The following MYO1H variants were observed in gnomAD, a reference collection of about 807,000 sequenced individuals.
MYO1H encodes the protein unconventional myosin-Ih.
MYO1H carries 118 observed loss-of-function variants against 149.3 expected under a neutral mutation model. The ratio of observed to expected loss-of-function variants is 0.79; its 90% CI spans 0.68 to 0.92. The LOEUF (loss-of-function observed/expected upper bound fraction) is 0.92, where lower values mean the gene tolerates loss of function less well. Among genes scored for constraint, MYO1H ranks in the 40% least tolerant of loss-of-function variants. MYO1H has a pLI of 0.00. For synonymous variants in MYO1H, 447 were observed against 465.2 expected, an observed-to-expected ratio of 0.96 and a Z score of 0.50; for missense variants, 1,212 against 1,280.7, an observed-to-expected ratio of 0.95 and a Z score of 0.82.
At position 109,442,314 on chromosome 12, in the gene MYO1H, A is replaced by G. The variant is rs371006099; in HGVS notation, c.2688+42A>G. ...CCTCAGTCTCAAACAGGATTCCCTC[A>G]TCGAGTCTAAGAGCAGGGTCCCCTT... On this transcript the variant is annotated intron_variant, in intron 27 of 31. Coordinates refer to ENST00000310903, the Ensembl canonical transcript of MYO1H. 7.6e-6 allele frequency: 12 copies of G among 1,575,088 alleles called. No homozygotes were observed. In the East Asian group the frequency reaches 1.6e-4, roughly 21 times the overall value.
chr12:109,412,099 C>T, intron 14 of MYO1H, 114 bp downstream of exon 14: 12 of 655,352 alleles, frequency 1.8e-5, no homozygotes, highest in Non-Finnish European at 2.8e-5. Flanking sequence ...ATAAAAATAT[C>T]TTTATGTATA....
rs1439460830 is a variant in MYO1H at position 109,405,921 on chromosome 12, G to A, written c.850-1G>A. The A allele has an allele frequency of 1.2e-6, 2 of 1,603,092 alleles. No homozygotes were observed. Among genetic ancestry groups the A allele is most frequent in the Non-Finnish European group, 1.7e-6 (2 of 1,170,270 alleles). On this transcript the variant is annotated splice_acceptor_variant, in intron 7 of 31. Transcript: ENST00000310903. LOFTEE classifies it high-confidence loss of function. ...TCTCTGAACACTTCCCATGTTCCTA[G>A]AATCTCTTTGGAATTATTGCCAGTG...
chr12:109,322,049 G>A, the MYO1H span, among the ~76,000 whole-genome samples: 1 of 150,880 alleles, frequency 6.6e-6, no homozygotes, highest in East Asian at 1.9e-4. Flanking sequence ...ATCTATCCTT[G>A]GGGAAGTGGA....
the MYO1H span, among the ~76,000 whole-genome samples, chr12:109,338,025 GA>G: frequency 0.31 from 47,352 of 151,618 alleles, 7,815 homozygotes; most frequent in Middle Eastern, 0.41. Flanking sequence ...GGAAAGCTAA[GA>G]AAAAAAAGGG....
intron 1 of MYO1H, among the ~76,000 whole-genome samples, chr12:109,361,768 C>T (rs1868752730): frequency 6.8e-6 from 1 of 146,134 alleles, no homozygotes; most frequent in Non-Finnish European, 1.5e-5. Context: ...GTGATTGTGC[C>T]ACTGCACTCC....
At chr12:109,367,780 C>G (rs1464875124) in intron 1 of MYO1H, among the ~76,000 whole-genome samples, 1 of 152,130 alleles carries the variant, frequency 6.6e-6, no homozygotes, top group Admixed American at 6.5e-5. Flanking sequence ...TCTCGATCTC[C>G]TGACCTCATG....
chr12:109,376,941 T>C (rs1322155988), intron 1 of MYO1H, among the ~76,000 whole-genome samples: 1 of 152,240 alleles, frequency 6.6e-6, no homozygotes, highest in East Asian at 1.9e-4. Context: ...TGGTATACCC[T>C]TTTATTGTTC....
At chr12:109,321,437 C>T in the MYO1H span, among the ~76,000 whole-genome samples, 1 of 151,870 alleles carries the variant, frequency 6.6e-6, no homozygotes, top group African/African-American at 2.4e-5. Flanking sequence ...CCTGTAATCC[C>T]AGCTACTTAG....
intron 19 of MYO1H, among the ~76,000 whole-genome samples, chr12:109,430,502 G>A (rs1871564359): frequency 6.6e-6 from 1 of 152,152 alleles, no homozygotes. Flanking sequence ...GGGTGGTGGA[G>A]ACCCTATCTT....
intron 19 of MYO1H, among the ~76,000 whole-genome samples, chr12:109,429,920 G>C (rs1871539603): frequency 6.6e-6 from 1 of 152,220 alleles, no homozygotes; most frequent in South Asian, 2.1e-4. Context: ...GGCAGACTCA[G>C]TGTCTGGTGA....
At chr12:109,322,819 C>CAAAAA in the MYO1H span, among the ~76,000 whole-genome samples, 3 of 77,096 alleles carry the variant, frequency 3.9e-5, no homozygotes, top group Non-Finnish European at 5.1e-5. Context: ...GACTCCGTCT[C>CAAAAA]AAAAAAAAAA....
Position 109,397,751 on chromosome 12 carries a change from C to T in MYO1H, c.509C>T (p.Thr170Met), listed in dbSNP as rs200839067. The change falls in exon 5 of 32, where the codon ACG becomes ATG. Residue 170 changes from threonine to methionine, a missense_variant. Physicochemically the swap from Thr to Met is moderately conservative, Grantham distance 81 (BLOSUM62 -1). Coordinates refer to ENST00000310903, the Ensembl canonical transcript of MYO1H. ...TCCAAGGCTTTTGGAAATGCCAGAA[C>T]GCTCCGGAATGACAACTCCAGCAGA... is the stretch of plus-strand genomic sequence containing the variant. 9.2e-4 allele frequency: 1,486 copies of T among 1,611,608 alleles called. 1 individual carries two copies. Among genetic ancestry groups the T allele is most frequent in the Non-Finnish European group, 1.2e-3 (1,375 of 1,178,774 alleles).
chr12:109,444,435 G>C (rs1184685208), exon 30 of MYO1H: 1 of 1,613,624 alleles, frequency 6.2e-7, no homozygotes. Flanking sequence ...ACCCCAGGGG[G>C]ATGCCGTTTT....
chr12:109,411,036 G>A (rs1301529687), intron 13 of MYO1H, among the ~76,000 whole-genome samples: 5 of 152,126 alleles, frequency 3.3e-5, no homozygotes, highest in Non-Finnish European at 5.9e-5. Context: ...CAGCTACTTG[G>A]GAGGCTGAAA....
At chr12:109,430,721 C>A (rs554501344) in intron 19 of MYO1H, among the ~76,000 whole-genome samples, 1 of 151,856 alleles carries the variant, frequency 6.6e-6, no homozygotes, top group East Asian at 2.0e-4. Flanking sequence ...AGGTGAGGAG[C>A]TTGAAACCAG....
chr12:109,424,716 C>T (rs1409662103), intron 16 of MYO1H, 32 bp from the exon 17 acceptor site: 10 of 1,573,324 alleles, frequency 6.4e-6, no homozygotes, highest in South Asian at 5.6e-5. Context: ...TCTGAAACAG[C>T]GAACGTGGTA....
chr12:109,368,193 T>C (rs1223079860), intron 1 of MYO1H, among the ~76,000 whole-genome samples: 1 of 152,236 alleles, frequency 6.6e-6, no homozygotes, highest in Admixed American at 6.5e-5. Flanking sequence ...AAAACAAAGT[T>C]AGTTTATAGG....
the MYO1H span, among the ~76,000 whole-genome samples, chr12:109,318,074 A>AT: frequency 6.6e-6 from 1 of 152,260 alleles, no homozygotes; most frequent in African/African-American, 2.4e-5. Context: ...CGAACAAAAC[A>AT]TATAGTTGTT....
chr12:109,385,611 T>C (rs1356933647), intron 1 of MYO1H, among the ~76,000 whole-genome samples: 2 of 152,230 alleles, frequency 1.3e-5, no homozygotes, highest in Non-Finnish European at 2.9e-5. Flanking sequence ...ACTAAAATAT[T>C]GTTTGATCTA....
Sources: gnomAD v4.1 joint callset for allele counts (sites outside exome capture counted in the v4.1 genomes callset) on GRCh38, gnomAD v4.1.1 for gene constraint, MANE v1.5 for transcripts, NCBI Gene and HGNC (gene_info 2026-07-23, HGNC 2026-07-21) for gene names.